The following TTC5 variants were observed in gnomAD, a reference collection of about 807,000 sequenced individuals.
TTC5 encodes tetratricopeptide repeat domain 5.
TTC5 carries 46 observed loss-of-function variants against 57.4 expected under a neutral mutation model. The observed-to-expected ratio is 0.80, with a 90% CI of 0.63 to 1.03. The LOEUF (loss-of-function observed/expected upper bound fraction) is 1.03, where lower values mean the gene tolerates loss of function less well. Among genes scored for constraint, TTC5 ranks in the 50% least tolerant of loss-of-function variants. TTC5 has a pLI of 0.00. For synonymous variants in TTC5, 190 were observed against 203.5 expected (o/e 0.93, Z 0.57); for missense variants, 504 against 528.1 (o/e 0.95, Z 0.45).
rs1881835975 is a variant in TTC5, at chr14:20,286,292, GA to G, written c.*3334del. On this transcript the variant is annotated 3_prime_UTR_variant, in exon 10 of 10. Transcript: ENST00000258821. The stretch of plus-strand genomic sequence containing the variant: ...TGGATTAGTATCCAGAACATGTAAG[GA>G]ATCAATAAGAAGACAACCCAATAAA... 1 of 151,918 alleles carries G rather than the reference GA, an allele frequency of 6.6e-6. No individual in the cohort carries two copies. 9.4% of individuals were successfully genotyped at this position (151,918 alleles called of 1,614,324 possible). A position where few individuals can be genotyped will look rare whatever the true frequency, so the allele number is the denominator to read the frequency against.
chr14:20,287,963 G>A lies in TTC5; in HGVS notation c.*1664C>T, dbSNP rs1336649964. On this transcript the variant is annotated 3_prime_UTR_variant, in exon 10 of 10. Transcript: ENST00000258821. ...GTACTTCTAATAAAAACTGTCTCTT[G>A]CTACCATAGGTTTTTTTGGTGCAGT... 6.6e-6 allele frequency: 1 copy of A among 152,122 alleles called. No homozygotes were observed. The highest frequency in any genetic ancestry group is 2.4e-5 in the African/African-American group (1 of 41,426). 9.4% of individuals were successfully genotyped at this position (152,122 alleles called of 1,614,324 possible).
At position 20,298,785 on chromosome 14, in the gene TTC5, A is replaced by AT. The variant is rs774882774; in HGVS notation, c.639+11dup. 6.3e-7 allele frequency: 1 copy of AT among 1,595,808 alleles called. No homozygotes were observed. Among genetic ancestry groups the AT allele is most frequent in the East Asian group, 2.2e-5 (1 of 44,794 alleles). ...TGCCTATTCATCTGGCCTGGTGACCATAAGTACTTACTGCTTGGGCATAGG... is the reference window on the plus strand; with the variant it reads ...TGCCTATTCATCTGGCCTGGTGACCATTAAGTACTTACTGCTTGGGCATAGG... On this transcript the variant is annotated intron_variant, in intron 5 of 9. Transcript: ENST00000258821.
chr14:20,301,718 G>A (rs563050200), intron 2 of TTC5, 115 bp downstream of exon 2: 17 of 1,337,938 alleles, frequency 1.3e-5, no homozygotes, highest in African/African-American at 7.3e-5. Context: ...GTAGTATTAC[G>A]TTGTACTACC....
chr14:20,293,021 T>C lies in TTC5; in HGVS notation c.1059-894A>G, dbSNP rs1468184072. 3 of 152,222 alleles carry C rather than the reference T, an allele frequency of 2.0e-5. No homozygotes were observed. In the South Asian group the frequency reaches 6.2e-4, roughly 32 times the overall value. 9.4% of individuals were successfully genotyped at this position (152,222 alleles called of 1,614,324 possible). ...GATATTTTCCATTTGTTAAAAGCTA[T>C]GAAATGTACGCTTAAAATTGTACAT... On this transcript the variant is annotated intron_variant, in intron 8 of 9. Coordinates refer to ENST00000258821, the MANE Select transcript of TTC5 (RefSeq NM_138376.3).
At chr14:20,298,755 G>T (rs575197297) in intron 5 of TTC5, 42 bp downstream of exon 5, 2 of 1,383,036 alleles carry the variant, frequency 1.4e-6, no homozygotes, top group East Asian at 4.6e-5. Flanking sequence ...TCTTGCTTCT[G>T]TTGTTGCCTA....
At chr14:20,300,462 C>G in intron 3 of TTC5, 145 bp downstream of exon 3, 1 of 679,042 alleles carries the variant, frequency 1.5e-6, no homozygotes, top group Non-Finnish European at 2.4e-6. Flanking sequence ...TCATTCAGGT[C>G]TGCTCTCTGA....
chr14:20,300,460 G>A (rs1052732680), intron 3 of TTC5, 147 bp downstream of exon 3: 24 of 665,538 alleles, frequency 3.6e-5, no homozygotes, highest in Non-Finnish European at 5.7e-5. Context: ...CCTCATTCAG[G>A]TCTGCTCTCT....
intron 7 of TTC5, 30 bp downstream of exon 7, chr14:20,295,678 A>G (rs777285781): frequency 1.9e-6 from 3 of 1,562,914 alleles, no homozygotes; most frequent in South Asian, 1.2e-5. Context: ...AAAAAAAAAA[A>G]GTGGAATTCA....
At position 20,292,112 on chromosome 14, in the gene TTC5, T is replaced by C. The variant is rs1881966017; in HGVS notation, c.1074A>G (p.Val358=). ...CTGCATAGCAAGGTCCATCTGAATC[T>C]ACCAGGCCAAATGTACTACCAAGTA... ...EEKVPFTFGL[V]DSDGPCYAVM... is the part of the protein sequence containing the mutation. The change falls in exon 9 of 10, where the codon GTA becomes GTG. Residue 358 remains valine, a synonymous_variant. Transcript: ENST00000258821. The C allele has an allele frequency of 6.4e-7, 1 of 1,573,676 alleles. No individual in the cohort carries two copies.
At chr14:20,295,128 G>C in intron 8 of TTC5, 184 bp downstream of exon 8, 1 of 603,648 alleles carries the variant, frequency 1.7e-6, no homozygotes, top group Non-Finnish European at 2.9e-6. Flanking sequence ...ATCTACAAAA[G>C]CCTCTGATCA....
chr14:20,305,639 G>T (rs1882274891), intron 1 of TTC5: 6 of 568,634 alleles, frequency 1.1e-5, no homozygotes, highest in Non-Finnish European at 1.9e-5. Flanking sequence ...AAATGTACAT[G>T]AACAGTTAGG....
At chr14:20,299,116 T>A (rs185632112) in intron 4 of TTC5, among the ~76,000 whole-genome samples, 182 bp downstream of exon 4, 2 of 152,250 alleles carry the variant, frequency 1.3e-5, no homozygotes, top group Admixed American at 1.3e-4. Flanking sequence ...AAAACTAGGA[T>A]CAAAAGATCG....
At chr14:20,304,935 C>T (rs906913202) in intron 1 of TTC5, among the ~76,000 whole-genome samples, 1 of 152,080 alleles carries the variant, frequency 6.6e-6, no homozygotes. Flanking sequence ...TACAAAATTA[C>T]CCCAAAGAAC....
chr14:20,302,095 G>T, intron 1 of TTC5, 130 bp from the exon 2 acceptor site: 1 of 1,007,974 alleles, frequency 9.9e-7, no homozygotes, highest in Non-Finnish European at 1.5e-6. Context: ...GGCACAATAG[G>T]CAGGTGGACA....
At chr14:20,291,063 CT>C (rs201999119) in intron 9 of TTC5, among the ~76,000 whole-genome samples, 2 of 148,974 alleles carry the variant, frequency 1.3e-5, no homozygotes, top group Middle Eastern at 3.4e-3. Flanking sequence ...TCTTGTTTTT[CT>C]TTTTTTTTTG....
Position 20,296,458 on chromosome 14 carries a change from T to A in TTC5, c.640-12A>T, listed in dbSNP as rs1314440783. 4.4e-6 allele frequency: 7 copies of A among 1,603,340 alleles called. No individual in the cohort carries two copies. The highest frequency in any genetic ancestry group is 6.0e-6 in the Non-Finnish European group (7 of 1,170,168). ...CTGTCAACTTTCTCCTATAATGGGA[T>A]GAAAAGATTATCAGTGGATCCTGTC... is the stretch of plus-strand genomic sequence containing the variant. On this transcript the variant is annotated splice_polypyrimidine_tract_variant and intron_variant, in intron 5 of 9. Coordinates refer to ENST00000258821, the MANE Select transcript of TTC5 (RefSeq NM_138376.3).
In TTC5 at chr14:20,289,527, C is replaced by T; in HGVS notation, c.*100G>A. On this transcript the variant is annotated 3_prime_UTR_variant, in exon 10 of 10. Transcript: ENST00000258821. ...GGAAAGAGAAAGTCTTCATTTAAAACATTCCTCCCATCCCTGCTGAATCAC... is the reference window on the plus strand; with the variant it reads ...GGAAAGAGAAAGTCTTCATTTAAAATATTCCTCCCATCCCTGCTGAATCAC... The T allele has an allele frequency of 7.1e-7, 1 of 1,414,536 alleles. No individual in the cohort carries two copies. Among genetic ancestry groups the T allele is most frequent in the Non-Finnish European group, 9.5e-7 (1 of 1,052,822 alleles). 87.6% of individuals were successfully genotyped at this position (1,414,536 alleles called of 1,614,324 possible).
chr14:20,305,632 T>C, intron 1 of TTC5: 1 of 553,536 alleles, frequency 1.8e-6, no homozygotes, highest in East Asian at 2.9e-5. Context: ...TCTCTAAAAA[T>C]GTACATGAAC....
At chr14:20,298,709 G>T in intron 5 of TTC5, 88 bp downstream of exon 5, 1 of 953,092 alleles carries the variant, frequency 1.0e-6, no homozygotes, top group Non-Finnish European at 1.7e-6. Context: ...TGCCCATGAT[G>T]CTTGCTAAAG....
Sources: allele counts gnomAD v4.1 joint callset (sites outside exome capture counted in the v4.1 genomes callset), GRCh38; gene constraint gnomAD v4.1.1; transcripts MANE v1.5; gene names NCBI Gene and HGNC (gene_info 2026-07-23, HGNC 2026-07-21).